Variants in CD163L1 observed in about 807,000 individuals in gnomAD.
CD163L1 encodes scavenger receptor cysteine-rich type 1 protein M160.
In CD163L1, 124 loss-of-function variants were observed where a neutral mutation model predicts 165.4. The observed-to-expected ratio is 0.75, with a 90% CI of 0.65 to 0.87. CD163L1 has a LOEUF of 0.87. Among genes scored for constraint, CD163L1 ranks in the 40% least tolerant of loss-of-function variants. The pLI is 0.00. For synonymous variants in CD163L1, 585 were observed against 662.2 expected (o/e 0.88, Z 1.79); for missense variants, 1,525 against 1,799.9 (o/e 0.85, Z 2.76).
Position 7,374,131 on chromosome 12 carries a change from C to G in CD163L1, c.3409+311G>C, listed in dbSNP as rs1025285095. On this transcript the variant is annotated intron_variant, in intron 13 of 19. Coordinates refer to ENST00000313599, the MANE Select transcript of CD163L1 (RefSeq NM_174941.6). This position sits in a 1 kb window ranked among gnomAD's most constrained non-coding sequence, Gnocchi z 5.4. ...AACAAAACAAAACAACAAAATAAGG[C>G]AGATTGGACACGGTTGACAGTGTGT... 3.9e-5 allele frequency among the ~76,000 whole-genome samples: 6 copies of G among 152,134 alleles called. No individual in the cohort carries two copies. The highest frequency in any genetic ancestry group is 2.9e-5 in the Non-Finnish European group (2 of 68,018).
chr12:7,377,911 C>T lies in CD163L1; in HGVS notation c.2371+1067G>A, dbSNP rs1002923124. On this transcript the variant is annotated intron_variant, in intron 9 of 19. Transcript: ENST00000313599. ...ACATTTTATTCCTAGATTTAGTTTCCGTCTACATATGTAGGACTCTAATAG... is the reference window on the plus strand; with the variant it reads ...ACATTTTATTCCTAGATTTAGTTTCTGTCTACATATGTAGGACTCTAATAG... 9.2e-5 allele frequency among the ~76,000 whole-genome samples: 14 copies of T among 152,148 alleles called. No homozygotes were observed. In the East Asian group the frequency reaches 1.2e-3, roughly 13 times the overall value.
At chr12:7,431,639 A>G (rs1194829953) in intron 4 of CD163L1, among the ~76,000 whole-genome samples, 1 of 152,014 alleles carries the variant, frequency 6.6e-6, no homozygotes. Context: ...GGATAACATT[A>G]GGAGAAATAC....
At chr12:7,375,203 T>C (rs771940710) in intron 11 of CD163L1, 78 bp downstream of exon 11, 15 of 1,442,748 alleles carry the variant, frequency 1.0e-5, no homozygotes, top group Non-Finnish European at 1.4e-5. Flanking sequence ...TTCTTACTCA[T>C]CTTTCCTTTA....
intron 9 of CD163L1, among the ~76,000 whole-genome samples, chr12:7,376,385 T>A (rs184031283): frequency 6.6e-6 from 1 of 152,334 alleles, no homozygotes; most frequent in African/African-American, 2.4e-5. Flanking sequence ...ACTGGTTAGA[T>A]CCCAGCAATC....
At chr12:7,360,600 G>T (rs1946871936) in intron 18 of CD163L1, among the ~76,000 whole-genome samples, 1 of 152,040 alleles carries the variant, frequency 6.6e-6, no homozygotes, top group Non-Finnish European at 1.5e-5. Flanking sequence ...GCAATCCAGT[G>T]ATTTTTTGAA....
At chr12:7,431,942 T>C (rs1948636184) in intron 4 of CD163L1, among the ~76,000 whole-genome samples, 1 of 151,884 alleles carries the variant, frequency 6.6e-6, no homozygotes, top group South Asian at 2.1e-4. Flanking sequence ...TCTTAGGAGG[T>C]GTCTGGTGTG....
chr12:7,441,118 T>C (rs753331190), intron 2 of CD163L1, 36 bp downstream of exon 2: 1 of 1,459,486 alleles, frequency 6.9e-7, no homozygotes, highest in Admixed American at 1.7e-5. Context: ...GAATAGAGGA[T>C]TGTAAGCCCA....
intron 8 of CD163L1, among the ~76,000 whole-genome samples, chr12:7,394,305 T>C (rs1313168002): frequency 1.3e-4 from 20 of 152,150 alleles, no homozygotes; most frequent in Non-Finnish European, 8.8e-5. Flanking sequence ...TACAACTATC[T>C]GATCTTTGAC....
rs1358073744 is a variant in CD163L1 at position 7,369,674 on chromosome 12, G to A, written c.3731-9C>T. ...ACGCACTCTTATTCTATCTACAAAG[G>A]CACAAAACATGGCTGTCTTTACTCC... On this transcript the variant is annotated splice_polypyrimidine_tract_variant and intron_variant, in intron 14 of 19. Transcript: ENST00000313599. The surrounding 1 kb of genome is among the most constrained non-coding windows in gnomAD (Gnocchi z 4.9). 1.2e-6 allele frequency: 2 copies of A among 1,604,088 alleles called. No individual in the cohort carries two copies. The highest frequency in any genetic ancestry group is 1.7e-6 in the Non-Finnish European group (2 of 1,172,422).
At chr12:7,421,057 G>GTATATATACGTATATATATACACGTA (rs772067194) in intron 4 of CD163L1, among the ~76,000 whole-genome samples, 1 of 79,398 alleles carries the variant, frequency 1.3e-5, no homozygotes, top group Admixed American at 1.9e-4. Flanking sequence ...ATGTATATAC[G>GTATATATACGTATATATATACACGTA]TATATATGTA....
chr12:7,370,590 G>A (rs888902482), intron 14 of CD163L1, among the ~76,000 whole-genome samples: 16 of 152,074 alleles, frequency 1.1e-4, no homozygotes, highest in African/African-American at 2.2e-4. Context: ...TGATCTAAAC[G>A]TCTCATCCCC....
At chr12:7,421,965 T>C (rs1224036953) in intron 4 of CD163L1, among the ~76,000 whole-genome samples, 1 of 151,978 alleles carries the variant, frequency 6.6e-6, no homozygotes, top group Non-Finnish European at 1.5e-5. Flanking sequence ...CCTCCTCAAG[T>C]GGGTCCCTGA....
chr12:7,405,630 T>C (rs146043087), intron 5 of CD163L1, among the ~76,000 whole-genome samples: 1 of 152,342 alleles, frequency 6.6e-6, no homozygotes, highest in Non-Finnish European at 1.5e-5. Flanking sequence ...CCCTGCGGCA[T>C]ACTCTAGACT....
In CD163L1 at chr12:7,369,595, C is replaced by T; in HGVS notation, c.3801G>A (p.Trp1267Ter). The T allele has an allele frequency of 6.2e-7, 1 of 1,613,844 alleles. No individual in the cohort carries two copies. The highest frequency in any genetic ancestry group is 1.3e-5 in the African/African-American group (1 of 74,914). The change falls in exon 15 of 20, where the codon TGG becomes TGA. Residue 1267 changes from tryptophan to a stop codon, truncating the protein, a stop_gained. Coordinates refer to ENST00000313599, the MANE Select transcript of CD163L1 (RefSeq NM_174941.6). LOFTEE classifies it high-confidence loss of function. The surrounding 1 kb of genome is among the most constrained non-coding windows in gnomAD (Gnocchi z 4.9). Reference sequence around the variant, plus strand: ...CCCAGGAGTCATCACACACTGTGCCCCAGGAGCCTGCGTGCCAGATCTCCA... The same window carrying T: ...CCCAGGAGTCATCACACACTGTGCCTCAGGAGCCTGCGTGCCAGATCTCCA... ...GRVEIWHAGS[W>*]GTVCDDSWDL...
rs200474505 is a variant in CD163L1, at chr12:7,444,081, A to C, written c.31+16T>G. 4.5e-5 allele frequency: 72 copies of C among 1,613,596 alleles called. No homozygotes were observed. The East Asian group carries it at 1.6e-3, about 35-fold the overall frequency. ...CATCTCCCAAATGGCAGAGCAAAAT[A>C]AAAGCAAAACCTTACCAATATGCCA... On this transcript the variant is annotated intron_variant, in intron 1 of 19. Transcript: ENST00000313599.
intron 1 of CD163L1, among the ~76,000 whole-genome samples, chr12:7,442,160 C>G (rs1297095365): frequency 6.6e-6 from 1 of 152,064 alleles, no homozygotes; most frequent in Non-Finnish European, 1.5e-5. Context: ...ATTTATCATC[C>G]TGTTTACTTG....
chr12:7,405,093 T>G (rs1947991513), intron 5 of CD163L1, among the ~76,000 whole-genome samples: 2 of 152,162 alleles, frequency 1.3e-5, no homozygotes, highest in Admixed American at 1.3e-4. Flanking sequence ...CCAACCTTAT[T>G]TTCACATCTG....
At chr12:7,376,058 T>C in intron 9 of CD163L1, 44 bp from the exon 10 acceptor site, 1 of 1,540,558 alleles carries the variant, frequency 6.5e-7, no homozygotes, top group Non-Finnish European at 8.8e-7. Flanking sequence ...GGTTTTCCAA[T>C]ATCTATCCCT....
chr12:7,325,798 T>C, the CD163L1 span, among the ~76,000 whole-genome samples: 1 of 152,216 alleles, frequency 6.6e-6, no homozygotes, highest in African/African-American at 2.4e-5. Flanking sequence ...CTTTTCCTTA[T>C]GGAAGTTTCT....
Sources: allele counts gnomAD v4.1 joint callset (sites outside exome capture counted in the v4.1 genomes callset), GRCh38; gene constraint gnomAD v4.1.1; non-coding constraint Gnocchi (gnomAD v3.1); transcripts MANE v1.5; gene names NCBI Gene and HGNC (gene_info 2026-07-23, HGNC 2026-07-21).